SIGLEC1: variants seen among roughly 807,000 people sequenced by gnomAD.
SIGLEC1 encodes sialoadhesin.
SIGLEC1 carries 132 observed loss-of-function variants against 148.0 expected under a neutral mutation model. The observed-to-expected ratio is 0.89, with a 90% CI of 0.77 to 1.03. The LOEUF (loss-of-function observed/expected upper bound fraction) is 1.03. Ranked by LOEUF, SIGLEC1 falls within the 50% of genes least tolerant of loss-of-function variation. The pLI, the probability that SIGLEC1 is intolerant of heterozygous loss-of-function variation, is 0.00. For missense variants in SIGLEC1, 2,253 were observed against 2,271.4 expected, an observed-to-expected ratio of 0.99 and a Z score of 0.16; for synonymous variants, 945 against 969.0, an observed-to-expected ratio of 0.98 and a Z score of 0.46.
At position 3,694,795 on chromosome 20, in the gene SIGLEC1, G is replaced by A. The variant is rs903813294; in HGVS notation, c.2812C>T (p.Gln938Ter). 4 of 1,613,628 alleles carry A rather than the reference G, an allele frequency of 2.5e-6. No homozygotes were observed. The highest frequency in any genetic ancestry group is 3.4e-6 in the Non-Finnish European group (4 of 1,180,032). ...YRWYRDGQPL[Q>*]ESTSATLRFA... is the part of the protein sequence containing the mutation. ...CGGAGCGTGGCCGAGGTCGACTCCTGGAGGGGCTGGCCATCCCGATACCAA... is the reference window on the plus strand; with the variant it reads ...CGGAGCGTGGCCGAGGTCGACTCCTAGAGGGGCTGGCCATCCCGATACCAA... The change falls in exon 12 of 22, where the codon CAG (glutamine) becomes TAG (stop). Residue 938 changes from glutamine to a stop codon, truncating the protein, a stop_gained. Transcript: ENST00000344754. LOFTEE classifies it high-confidence loss of function.
chr20:3,703,111 T>C (rs2087864245), intron 6 of SIGLEC1, 86 bp downstream of exon 6: 1 of 1,564,188 alleles, frequency 6.4e-7, no homozygotes, highest in East Asian at 2.3e-5. Flanking sequence ...GAAGTTCCCA[T>C]GCCCAGGACC....
chr20:3,697,916 G>A lies in SIGLEC1; in HGVS notation c.2004C>T (p.Ala668=), dbSNP rs769735750. ...GAATCTCCACACGCAGCAAGTTGGG[G>A]GCTTTGGTGACCTTCATGCGTGGGG... ...GCSPRMKVTK[A]PNLLRVEIHN... is the part of the protein sequence containing the mutation. Residue 668 remains alanine (A), a synonymous_variant, in exon 9 of 22, where the codon GCC becomes GCT. Coordinates refer to ENST00000344754, the MANE Select transcript of SIGLEC1 (RefSeq NM_023068.4). 1.4e-5 allele frequency: 23 copies of A among 1,612,958 alleles called. No homozygotes were observed. Among genetic ancestry groups the A allele is most frequent in the Non-Finnish European group, 1.9e-5 (23 of 1,179,956 alleles).
At position 3,693,579 on chromosome 20, in the gene SIGLEC1, G is replaced by C. The variant is rs567723957; in HGVS notation, c.3376C>G (p.Gln1126Glu). 1 of 1,612,766 alleles carries C rather than the reference G, an allele frequency of 6.2e-7. No individual in the cohort carries two copies. Among genetic ancestry groups the C allele is most frequent in the East Asian group, 2.2e-5 (1 of 44,868 alleles). Residue 1126 changes from glutamine to glutamate, a missense_variant, in exon 14 of 22, where the codon CAG becomes GAG. Gln to Glu is a conservative substitution (Grantham distance 29). Transcript: ENST00000344754. ...QLTYTWYQDG[Q>E]QRLDAHSIPL... ...ATGGAGTGGGCATCCAGGCGCTGCT[G>C]CCCATCCTGGTACCATGTGTAGGTG...
At chr20:3,703,511 T>A in intron 5 of SIGLEC1, 60 bp from the exon 6 acceptor site, 2 of 1,530,178 alleles carry the variant, frequency 1.3e-6, no homozygotes, top group Non-Finnish European at 1.8e-6. Flanking sequence ...CCCAGCCCCA[T>A]ACAGTCCCCG....
intron 4 of SIGLEC1, 40 bp from the exon 5 acceptor site, chr20:3,704,131 G>A: frequency 6.3e-7 from 1 of 1,575,310 alleles, no homozygotes. Flanking sequence ...AGGTGCTTGG[G>A]GAGGGCAGAG....
At position 3,701,465 on chromosome 20, in the gene SIGLEC1, A is replaced by T; in HGVS notation, c.1405T>A (p.Ser469Thr). The change falls in exon 7 of 22, where the codon TCT becomes ACT. Residue 469 changes from serine to threonine, a missense_variant. Ser to Thr is a moderately conservative substitution (Grantham distance 58, BLOSUM62 1). Coordinates refer to ENST00000344754, the MANE Select transcript of SIGLEC1 (RefSeq NM_023068.4). ...TCCAGGCGCAGGGAGTTGGGACCAG[A>T]GGTACCACTGAAGCGTGGGCTGTGA... ...SDHSPRFSGT[S>T]GPNSLRLEIR... 6.2e-7 allele frequency: 1 copy of T among 1,614,074 alleles called. No homozygotes were observed. The highest frequency in any genetic ancestry group is 8.5e-7 in the Non-Finnish European group (1 of 1,180,014).
In SIGLEC1 at chr20:3,707,214, T is replaced by C. The variant is rs2087903614; in HGVS notation, c.-86A>G. 4 of 1,270,068 alleles carry C rather than the reference T, an allele frequency of 3.1e-6. No homozygotes were observed. Among genetic ancestry groups the C allele is most frequent in the Non-Finnish European group, 4.6e-6 (4 of 878,260 alleles). 78.7% of individuals were successfully genotyped at this position (1,270,068 alleles called of 1,614,324 possible). ...TCACAGGGGCCTCCAGGGACACCTCTGGGCACTTTAGCCCCAGCACCTGCT... is the reference window on the plus strand; with the variant it reads ...TCACAGGGGCCTCCAGGGACACCTCCGGGCACTTTAGCCCCAGCACCTGCT... On this transcript the variant is annotated 5_prime_UTR_variant, in exon 2 of 22. Coordinates refer to ENST00000344754, the MANE Select transcript of SIGLEC1 (RefSeq NM_023068.4).
rs776813782 is a variant in SIGLEC1, at chr20:3,705,932, A to G, written c.518T>C (p.Leu173Pro). The change falls in exon 4 of 22, where the codon CTG becomes CCG. Residue 173 changes from leucine to proline, a missense_variant. Physicochemically the swap from Leu to Pro is moderately conservative, Grantham distance 98. Transcript: ENST00000344754. ...AGCAGGGTCCTGGCCTTGCCACTGC[A>G]GTCTGACCTGCTCCTGCAGGCATAC... ...PYVCLQEQVR[L>P]QWQGQDPARS... is the part of the protein sequence containing the mutation. The G allele has an allele frequency of 6.2e-7, 1 of 1,614,138 alleles. No individual in the cohort carries two copies. The highest frequency in any genetic ancestry group is 8.5e-7 in the Non-Finnish European group (1 of 1,180,042).
At chr20:3,705,462 T>A (rs1273681262) in intron 4 of SIGLEC1, among the ~76,000 whole-genome samples, 1 of 152,218 alleles carries the variant, frequency 6.6e-6, no homozygotes, top group African/African-American at 2.4e-5. Context: ...ACCCTGAAGC[T>A]GCATGGGAGC....
chr20:3,690,404 T>C (rs2088747059), intron 18 of SIGLEC1, 140 bp from the exon 19 acceptor site: 2 of 709,790 alleles, frequency 2.8e-6, no homozygotes, highest in African/African-American at 3.6e-5. Flanking sequence ...TGTGACTCAG[T>C]TTGACCAATT....
At position 3,696,759 on chromosome 20, in the gene SIGLEC1, G is replaced by A. The variant is rs1236303398; in HGVS notation, c.2510C>T (p.Ala837Val). 6.2e-7 allele frequency: 1 copy of A among 1,613,238 alleles called. No homozygotes were observed. Among genetic ancestry groups the A allele is most frequent in the Non-Finnish European group, 8.5e-7 (1 of 1,179,952 alleles). Residue 837 changes from alanine to valine, a missense_variant, in exon 11 of 22, where the codon GCC becomes GTC. Ala to Val is a moderately conservative substitution (Grantham distance 64). Transcript: ENST00000344754. Reference protein sequence around the residue: ...LALFHGEHLLATSLGPQVPSH... With the variant: ...LALFHGEHLLVTSLGPQVPSH... ...TGGGACCTGGGGACCCAGGCTGGTG[G>A]CCAGGAGGTGCTCCCCATGGAACAA... is the stretch of plus-strand genomic sequence containing the variant.
chr20:3,696,141 A>AAC (rs71195853), intron 11 of SIGLEC1, among the ~76,000 whole-genome samples: 5,436 of 145,154 alleles, frequency 0.037, 125 homozygotes, highest in Non-Finnish European at 0.06. Context: ...CACACACACA[A>AAC]ACACACACAC....
Position 3,693,667 on chromosome 20 carries a change from G to A in SIGLEC1, c.3288C>T (p.Thr1096=), listed in dbSNP as rs765325981. 6.9e-6 allele frequency: 11 copies of A among 1,601,826 alleles called. No homozygotes were observed. Among genetic ancestry groups the A allele is most frequent in the Admixed American group, 3.4e-5 (2 of 59,430 alleles). ...AVNVQVWPGA[T]VREGQLVNLT... is the part of the protein sequence containing the mutation. The stretch of plus-strand genomic sequence containing the variant: ...GGTTCACCAGCTGCCCCTCCCGCAC[G>A]GTAGCCCCGGGCCACACCTGCACAT... Residue 1096 remains threonine, a synonymous_variant, in exon 14 of 22, where the codon ACC becomes ACT. Coordinates refer to ENST00000344754, the MANE Select transcript of SIGLEC1 (RefSeq NM_023068.4).
intron 21 of SIGLEC1, 81 bp from the exon 22 acceptor site, chr20:3,688,700 C>T: frequency 8.9e-7 from 1 of 1,125,854 alleles, no homozygotes; most frequent in South Asian, 1.6e-5. Context: ...CAGGTGGGGT[C>T]CCAAGAGGAT....
At position 3,697,172 on chromosome 20, in the gene SIGLEC1, C is replaced by A. The variant is rs772968241; in HGVS notation, c.2293G>T (p.Ala765Ser). 3 of 1,613,838 alleles carry A rather than the reference C, an allele frequency of 1.9e-6. No homozygotes were observed. Among genetic ancestry groups the A allele is most frequent in the East Asian group, 4.5e-5 (2 of 44,886 alleles). Residue 765 changes from alanine to serine, a missense_variant, in exon 10 of 22, where the codon GCC becomes TCC. Transcript: ENST00000344754. ...PLETVTLLPV[A>S]RTDAALYACR... The stretch of plus-strand genomic sequence containing the variant: ...GCGTAAAGGGCAGCATCAGTTCTGG[C>A]CACGGGCAGCAGTGTCACGGTCTCC...
In SIGLEC1 at chr20:3,706,437, G is replaced by C; in HGVS notation, c.319C>G (p.Pro107Ala). Residue 107 changes from proline to alanine, a missense_variant, in exon 3 of 22, where the codon CCC becomes GCC. Physicochemically the swap from Pro to Ala is conservative, Grantham distance 27. Transcript: ENST00000344754. ...AAGTTGTAGGAACCAGAGTCCTCGGGCTGCAGGTCCTTCAGCAGCAGGTTG... is the reference window on the plus strand; with the variant it reads ...AAGTTGTAGGAACCAGAGTCCTCGGCCTGCAGGTCCTTCAGCAGCAGGTTG... ...VCNLLLKDLQ[P>A]EDSGSYNFRF... The C allele has an allele frequency of 1.2e-6, 2 of 1,614,160 alleles. No homozygotes were observed. Among genetic ancestry groups the C allele is most frequent in the Non-Finnish European group, 1.7e-6 (2 of 1,180,028 alleles).
intron 1 of SIGLEC1, 23 bp from the exon 2 acceptor site, chr20:3,707,260 C>T: frequency 2.7e-6 from 2 of 732,880 alleles, no homozygotes; most frequent in Non-Finnish European, 2.4e-6. Context: ...GCCTGTGTCC[C>T]CACCTCCTCT....
intron 6 of SIGLEC1, 151 bp from the exon 7 acceptor site, chr20:3,701,792 C>T (rs980956435): frequency 5.5e-6 from 4 of 731,038 alleles, no homozygotes; most frequent in Admixed American, 3.4e-5. Flanking sequence ...GCTGAATACA[C>T]TTTTGTCCTT....
At chr20:3,707,940 G>T (rs1283740097) in intron 1 of SIGLEC1, among the ~76,000 whole-genome samples, 2 of 152,216 alleles carry the variant, frequency 1.3e-5, no homozygotes, top group South Asian at 2.1e-4. Context: ...CTCCTTTGAG[G>T]TTCCTGTAGC....
Sources: allele counts gnomAD v4.1 joint callset (sites outside exome capture counted in the v4.1 genomes callset), GRCh38; gene constraint gnomAD v4.1.1; transcripts MANE v1.5; gene names NCBI Gene and HGNC (gene_info 2026-07-23, HGNC 2026-07-21).